The following OTOG variants were observed in gnomAD, a reference collection of about 807,000 sequenced individuals.
The protein encoded by OTOG is otogelin.
In OTOG, 296 loss-of-function variants were observed where a neutral mutation model predicts 313.8. The ratio of observed to expected loss-of-function variants is 0.94; its 90% CI spans 0.86 to 1.04. The LOEUF is 1.04. Among genes scored for constraint, OTOG ranks in the 50% least tolerant of loss-of-function variants. The pLI is 0.00. For synonymous variants in OTOG, 1,533 were observed against 1,554.9 expected (o/e 0.99, Z 0.33); for missense variants, 3,948 against 3,840.1 (o/e 1.03, Z -0.74).
chr11:17,610,733 C>T lies in OTOG; in HGVS notation c.5433C>T (p.Ala1811=). The change falls in exon 36 of 56, where the codon GCC becomes GCT. Residue 1811 remains alanine (A), a synonymous_variant. Transcript: ENST00000399397. ...CTCCCGACACCAGCCTGCCCCTGGC[C>T]AAGGTGGGCACATCTGCCCCAGTGG... ...GLPPDTSLPL[A]KVGTSAPVAT... is the part of the protein sequence containing the mutation. The T allele has an allele frequency of 1.3e-6, 2 of 1,550,124 alleles. No homozygotes were observed. Among genetic ancestry groups the T allele is most frequent in the Non-Finnish European group, 1.7e-6 (2 of 1,147,000 alleles).
chr11:17,633,115 C>CA, intron 42 of OTOG, among the ~76,000 whole-genome samples: 2 of 152,342 alleles, frequency 1.3e-5, no homozygotes, highest in East Asian at 3.9e-4. Flanking sequence ...ATGGGCCCCA[C>CA]AATCAGAGAT....
intron 39 of OTOG, among the ~76,000 whole-genome samples, chr11:17,613,952 T>G (rs1159142218): frequency 6.6e-6 from 1 of 152,066 alleles, no homozygotes; most frequent in Non-Finnish European, 1.5e-5. Context: ...AGAGAAAAAG[T>G]CGGAAAGGCA....
Position 17,639,479 on chromosome 11 carries a change from T to C in OTOG, c.7935+16T>C. 6.5e-7 allele frequency: 1 copy of C among 1,550,140 alleles called. No individual in the cohort carries two copies. Among genetic ancestry groups the C allele is most frequent in the Non-Finnish European group, 8.7e-7 (1 of 1,146,564 alleles). On this transcript the variant is annotated intron_variant, in intron 49 of 55. Coordinates refer to ENST00000399397, the MANE Select transcript of OTOG (RefSeq NM_001292063.2). ...GTGCCATCTGGTATGGAGACGCTCC[T>C]CCCCCAACACTCCCTGGTCTGCTCC...
Position 17,634,085 on chromosome 11 carries a change from G to T in OTOG, c.7284G>T (p.Met2428Ile). 1 of 1,546,326 alleles carries T rather than the reference G, an allele frequency of 6.5e-7. No homozygotes were observed. Reference protein sequence around the residue: ...PEAKCACTDSMGVPRALGETW... With the variant: ...PEAKCACTDSIGVPRALGETW... ...CCTCTGCAGCCTGCACTGACAGCAT[G>T]GGGGTGCCGAGGGCCCTGGGGGAGA... The change falls in exon 44 of 56, where the codon ATG becomes ATT. Residue 2428 changes from methionine to isoleucine, a missense_variant. Physicochemically the swap from Met to Ile is conservative, Grantham distance 10. Transcript: ENST00000399397.
chr11:17,558,937 C>T, intron 10 of OTOG, 115 bp from the exon 11 acceptor site: 2 of 888,534 alleles, frequency 2.3e-6, no homozygotes, highest in African/African-American at 1.6e-5. Flanking sequence ...GGCAGCCTTT[C>T]CCAGCTGGGT....
chr11:17,551,723 G>A (rs181254103), intron 3 of OTOG, among the ~76,000 whole-genome samples: 21 of 152,292 alleles, frequency 1.4e-4, no homozygotes, highest in Admixed American at 6.5e-4. Flanking sequence ...ATGGAGGGGA[G>A]GGGCTGTGTT....
At chr11:17,566,234 C>T (rs118004403) in intron 15 of OTOG, among the ~76,000 whole-genome samples, 2 of 152,202 alleles carry the variant, frequency 1.3e-5, no homozygotes, top group African/African-American at 2.4e-5. Context: ...TCCTGTGTAC[C>T]TTAAATCCTT....
chr11:17,618,551 A>ATG (rs1448819286), intron 39 of OTOG, among the ~76,000 whole-genome samples: 4 of 152,212 alleles, frequency 2.6e-5, no homozygotes, highest in African/African-American at 9.6e-5. Context: ...TGTTCTATGA[A>ATG]TGTTAATTAG....
chr11:17,578,350 G>C (rs566544850), intron 22 of OTOG, 23 bp from the exon 23 acceptor site: 11 of 1,473,070 alleles, frequency 7.5e-6, no homozygotes, highest in Non-Finnish European at 9.9e-6. Context: ...CAGGGCCTCC[G>C]CTCCCATCTT....
rs1371555496 is a variant in OTOG, at chr11:17,574,783, A to T, written c.2357A>T (p.Gln786Leu). The T allele has an allele frequency of 1.9e-6, 3 of 1,550,604 alleles. No homozygotes were observed. Among genetic ancestry groups the T allele is most frequent in the Non-Finnish European group, 2.6e-6 (3 of 1,146,980 alleles). ...GTGGCCCCGTGTGGACGTACCTGCC[A>T]GGACCTGGCCAGCCCTGAGGCCTGT... ...PCVAPCGRTCQDLASPEACGV... is the reference protein window; with the variant it reads ...PCVAPCGRTCLDLASPEACGV... The change falls in exon 20 of 56, where the codon CAG becomes CTG. Residue 786 changes from glutamine to leucine, a missense_variant. Gln to Leu is a moderately radical substitution (Grantham distance 113). Transcript: ENST00000399397.
chr11:17,565,663 T>A (rs1852280863), intron 15 of OTOG, among the ~76,000 whole-genome samples: 1 of 152,234 alleles, frequency 6.6e-6, no homozygotes, highest in Non-Finnish European at 1.5e-5. Context: ...CTTATTTATA[T>A]CAGCATAGAC....
In OTOG at chr11:17,624,518, G is replaced by A. The variant is rs113154277; in HGVS notation, c.6529-4615G>A. On this transcript the variant is annotated intron_variant, in intron 39 of 55. Transcript: ENST00000399397. ...TTCTGTTCCATTGGTCTATGTGCCT[G>A]TTCTTGTACCAGTACTATGCTGTTT... 2.8e-4 allele frequency among the ~76,000 whole-genome samples: 43 copies of A among 152,282 alleles called. No individual in the cohort carries two copies. In the South Asian group the frequency reaches 7.1e-3, roughly 25 times the overall value.
intron 33 of OTOG, among the ~76,000 whole-genome samples, chr11:17,607,151 C>T (rs1331634721): frequency 6.6e-6 from 1 of 152,226 alleles, no homozygotes; most frequent in Admixed American, 6.5e-5. Flanking sequence ...CTGTGTCTCG[C>T]GGGCTTTGCC....
In OTOG at chr11:17,593,769, G is replaced by A. The variant is rs1853015981; in HGVS notation, c.3288+13G>A. 2.6e-6 allele frequency: 4 copies of A among 1,546,362 alleles called. No homozygotes were observed. The highest frequency in any genetic ancestry group is 3.5e-6 in the Non-Finnish European group (4 of 1,145,330). Reference sequence around the variant, plus strand: ...GCCTCAGTGGCAGGTACTTACATGAGCAGTGACATTCTGCTCCTGCCTGGG... The same window carrying A: ...GCCTCAGTGGCAGGTACTTACATGAACAGTGACATTCTGCTCCTGCCTGGG... On this transcript the variant is annotated intron_variant, in intron 27 of 55. Transcript: ENST00000399397.
chr11:17,553,195 A>G lies in OTOG; in HGVS notation c.369A>G (p.Gly123=), dbSNP rs1442957042. The G allele has an allele frequency of 1.9e-6, 3 of 1,550,256 alleles. No homozygotes were observed. Among genetic ancestry groups the G allele is most frequent in the Non-Finnish European group, 2.6e-6 (3 of 1,146,972 alleles). ...ACTGCAGACGCTTCAATGCCACTGGACCGCGCTGCCAGATGGGTGGGTCTG... is the reference window on the plus strand; with the variant it reads ...ACTGCAGACGCTTCAATGCCACTGGGCCGCGCTGCCAGATGGGTGGGTCTG... ...FCDCRRFNAT[G]PRCQMVYNAG... is the part of the protein sequence containing the mutation. Residue 123 remains glycine (G), a synonymous_variant, in exon 5 of 56, where the codon GGA becomes GGG. Coordinates refer to ENST00000399397, the MANE Select transcript of OTOG (RefSeq NM_001292063.2).
intron 6 of OTOG, 100 bp downstream of exon 6, chr11:17,553,619 CT>C: frequency 8.8e-7 from 1 of 1,135,136 alleles, no homozygotes. Context: ...AGACTGGCAC[CT>C]TCCTCCTTGC....
intron 38 of OTOG, among the ~76,000 whole-genome samples, chr11:17,613,330 TTC>T (rs1853638599): frequency 9.7e-5 from 4 of 41,316 alleles, no homozygotes; most frequent in African/African-American, 1.5e-4. Flanking sequence ...TGCCCTGCCC[TTC>T]CTTCCTTCCT....
At chr11:17,626,058 G>T (rs1238963989) in intron 39 of OTOG, among the ~76,000 whole-genome samples, 1 of 152,214 alleles carries the variant, frequency 6.6e-6, no homozygotes, top group Admixed American at 6.5e-5. Context: ...TGAAAAGACT[G>T]TCTTTTCCCC....
intron 32 of OTOG, among the ~76,000 whole-genome samples, chr11:17,602,839 A>G (rs926734855): frequency 6.6e-6 from 1 of 152,160 alleles, no homozygotes; most frequent in Admixed American, 6.5e-5. Context: ...GGGATACAAG[A>G]GACAAGGTCC....
Sources: allele counts gnomAD v4.1 joint callset (sites outside exome capture counted in the v4.1 genomes callset), GRCh38; gene constraint gnomAD v4.1.1; transcripts MANE v1.5; gene names NCBI Gene and HGNC (gene_info 2026-07-23, HGNC 2026-07-21).